The following SNX27 variants were observed in gnomAD, a reference collection of about 807,000 sequenced individuals.
The protein encoded by SNX27 is sorting nexin-27.
SNX27 carries 22 observed loss-of-function variants against 71.6 expected under a neutral mutation model. The observed-to-expected ratio is 0.31, with a 90% confidence interval of 0.22 to 0.44. The LOEUF (loss-of-function observed/expected upper bound fraction) is 0.44. SNX27 is among the 20% of genes least tolerant of loss of function. The pLI, the probability that SNX27 is intolerant of heterozygous loss-of-function variation, is 1.00. For missense variants in SNX27, 531 were observed against 698.6 expected (o/e 0.76, Z 2.70); for synonymous variants, 269 against 277.2 (o/e 0.97, Z 0.29).
At chr1:151,649,081 C>T (rs1669204465) in intron 2 of SNX27, among the ~76,000 whole-genome samples, 1 of 151,716 alleles carries the variant, frequency 6.6e-6, no homozygotes, top group Admixed American at 6.6e-5. Flanking sequence ...TCTGCCTCAG[C>T]CTCCCGAGTA....
At chr1:151,638,693 T>TC (rs1178616680) in intron 1 of SNX27, among the ~76,000 whole-genome samples, 195 bp from the exon 2 acceptor site, 1 of 151,092 alleles carries the variant, frequency 6.6e-6, no homozygotes, top group Non-Finnish European at 1.5e-5. Flanking sequence ...TTTCCATTTT[T>TC]CCCCCCGCCA....
chr1:151,629,823 C>G (rs1164373297), intron 1 of SNX27, among the ~76,000 whole-genome samples: 1 of 151,864 alleles, frequency 6.6e-6, no homozygotes, highest in Non-Finnish European at 1.5e-5. Flanking sequence ...AGGTGATCTG[C>G]CTGCCTCAGC....
At chr1:151,693,816 A>C in intron 11 of SNX27, 1 of 1,443,768 alleles carries the variant, frequency 6.9e-7, no homozygotes, top group East Asian at 2.5e-5. Flanking sequence ...CCACAGGGGA[A>C]GCTGTCCTCA....
At chr1:151,651,589 C>T (rs1338639740) in intron 2 of SNX27, among the ~76,000 whole-genome samples, 1 of 151,362 alleles carries the variant, frequency 6.6e-6, no homozygotes, top group Non-Finnish European at 1.5e-5. Flanking sequence ...AGAGGTGCTC[C>T]TCACATCCCA....
intron 6 of SNX27, 87 bp from the exon 7 acceptor site, chr1:151,668,385 C>T: frequency 8.2e-7 from 1 of 1,217,540 alleles, no homozygotes; most frequent in Non-Finnish European, 1.1e-6. Context: ...GATAACATAC[C>T]ATTCTTGATC....
chr1:151,648,729 A>G (rs771355771), intron 2 of SNX27, among the ~76,000 whole-genome samples: 1 of 121,566 alleles, frequency 8.2e-6, no homozygotes, highest in Non-Finnish European at 2.0e-5. Flanking sequence ...CATATTTACC[A>G]TTTCTGATGC....
chr1:151,693,751 T>TGGAC, intron 11 of SNX27: 2 of 1,542,338 alleles, frequency 1.3e-6, no homozygotes, highest in Non-Finnish European at 1.7e-6. Flanking sequence ...CATGACTTCA[T>TGGAC]GGACCCTCCT....
chr1:151,690,591 C>T (rs1345990583), intron 8 of SNX27, among the ~76,000 whole-genome samples: 4 of 151,724 alleles, frequency 2.6e-5, no homozygotes, highest in African/African-American at 9.7e-5. Flanking sequence ...GCTAGGACTA[C>T]AGGTGCCCGG....
At chr1:151,654,138 G>C (rs1236155552) in intron 2 of SNX27, among the ~76,000 whole-genome samples, 1 of 152,092 alleles carries the variant, frequency 6.6e-6, no homozygotes, top group Non-Finnish European at 1.5e-5. Flanking sequence ...GCCGACCCTG[G>C]AGGGTTTTTT....
chr1:151,616,938 C>T lies in SNX27; in HGVS notation c.311+4426C>T, dbSNP rs75884259. Among the ~76,000 whole-genome samples, 428 of 152,178 alleles carry T rather than the reference C, an allele frequency of 2.8e-3. 1 individual carries two copies. The highest frequency in any genetic ancestry group is 9.5e-3 in the African/African-American group (396 of 41,508). On this transcript the variant is annotated intron_variant, in intron 1 of 11. Coordinates refer to ENST00000458013, the MANE Select transcript of SNX27 (RefSeq NM_001330723.2). ...CCTTTGCCAGGTGTGGGTAATGCAA[C>T]CCACATACTCAGTTACATGCCCAGG...
At chr1:151,672,369 T>A (rs936844635) in intron 7 of SNX27, among the ~76,000 whole-genome samples, 5 of 152,178 alleles carry the variant, frequency 3.3e-5, no homozygotes, top group African/African-American at 1.2e-4. Context: ...GATGATTTTT[T>A]AAATGTATTG....
intron 3 of SNX27, 100 bp from the exon 4 acceptor site, chr1:151,660,698 A>T (rs1571836428): frequency 1.1e-6 from 1 of 897,786 alleles, no homozygotes; most frequent in East Asian, 2.5e-5. Flanking sequence ...GATGATTTAA[A>T]CTTAAAACTG....
At chr1:151,641,682 C>T (rs12039257) in intron 2 of SNX27, among the ~76,000 whole-genome samples, 1 of 124,118 alleles carries the variant, frequency 8.1e-6, no homozygotes, top group African/African-American at 3.0e-5. Flanking sequence ...TCATATATAT[C>T]TGATATATAT....
At chr1:151,651,077 C>T (rs1329607259) in intron 2 of SNX27, among the ~76,000 whole-genome samples, 1 of 152,010 alleles carries the variant, frequency 6.6e-6, no homozygotes, top group Non-Finnish European at 1.5e-5. Flanking sequence ...TCCACAAAGC[C>T]GCCATTGTCA....
chr1:151,667,371 A>T (rs536652771), intron 6 of SNX27: 1 of 152,272 alleles, frequency 6.6e-6, no homozygotes, highest in East Asian at 1.9e-4. Context: ...AGGAAGTAAC[A>T]TTACTCAGAA....
At chr1:151,637,245 C>G (rs1380447640) in intron 1 of SNX27, among the ~76,000 whole-genome samples, 4 of 140,154 alleles carry the variant, frequency 2.9e-5, no homozygotes, top group African/African-American at 1.1e-4. Flanking sequence ...GTGGCGTGAT[C>G]TGGGCTCACT....
At chr1:151,693,297 G>A in intron 10 of SNX27, 127 bp from the exon 11 acceptor site, 2 of 1,040,832 alleles carry the variant, frequency 1.9e-6, no homozygotes, top group Admixed American at 4.0e-5. Flanking sequence ...GGGTTTTATG[G>A]TACTTGTCAG....
intron 1 of SNX27, chr1:151,615,664 T>A (rs1667393288): frequency 1.0e-6 from 1 of 982,384 alleles, no homozygotes; most frequent in Admixed American, 6.1e-5. Flanking sequence ...TGGATATAGT[T>A]TGTATCAAGT....
intron 7 of SNX27, chr1:151,677,239 G>A (rs569966978): frequency 6.6e-6 from 1 of 152,084 alleles, no homozygotes; most frequent in South Asian, 2.1e-4. Flanking sequence ...ATTAAATGTT[G>A]TATTATAATA....
Sources: allele counts gnomAD v4.1 joint callset (sites outside exome capture counted in the v4.1 genomes callset), GRCh38; gene constraint gnomAD v4.1.1; transcripts MANE v1.5; gene names NCBI Gene and HGNC (gene_info 2026-07-23, HGNC 2026-07-21).